The following DHX29 variants were observed in gnomAD, a reference collection of about 807,000 sequenced individuals.
The protein encoded by DHX29 is DExH-box helicase 29.
In DHX29, 79 loss-of-function variants were observed where a neutral mutation model predicts 167.9. The observed-to-expected ratio is 0.47, with a 90% confidence interval of 0.39 to 0.57. The LOEUF (loss-of-function observed/expected upper bound fraction) is 0.57, where lower values mean the gene tolerates loss of function less well. DHX29 is among the 20% of genes least tolerant of loss of function. The probability of loss-of-function intolerance (pLI) is 0.00; values close to 1 mark genes in which losing one functional copy is unlikely to be tolerated. For synonymous variants in DHX29, 530 were observed against 546.0 expected (o/e 0.97, Z 0.41); for missense variants, 1,347 against 1,593.4 (o/e 0.85, Z 2.63).
At chr5:55,261,637 A>G in intron 24 of DHX29, 138 bp from the exon 25 acceptor site, 6 of 640,656 alleles carry the variant, frequency 9.4e-6, no homozygotes, top group Non-Finnish European at 1.6e-5. Flanking sequence ...CTACATTTTC[A>G]TTTTCTTATG....
intron 1 of DHX29, 25 bp from the exon 2 acceptor site, chr5:55,298,689 A>G (rs1486985468): frequency 1.8e-6 from 2 of 1,119,704 alleles, no homozygotes. Flanking sequence ...AGACAAGGCA[A>G]TTTAATGATT....
intron 20 of DHX29, among the ~76,000 whole-genome samples, chr5:55,269,909 G>A (rs1746768662): frequency 1.3e-5 from 2 of 152,116 alleles, no homozygotes; most frequent in South Asian, 2.1e-4. Context: ...ATTTTGATAG[G>A]AGTCAAAAAT....
intron 12 of DHX29, among the ~76,000 whole-genome samples, chr5:55,281,017 C>T (rs1053393884): frequency 5.3e-5 from 8 of 151,464 alleles, no homozygotes; most frequent in African/African-American, 1.9e-4. Context: ...GATTTTTATA[C>T]ATGTATATAT....
At position 55,283,230 on chromosome 5, in the gene DHX29, C is replaced by T. The variant is rs1478599330; in HGVS notation, c.1938G>A (p.Leu646=). Residue 646 remains leucine (L), a synonymous_variant, in exon 11 of 27, where the codon TTG becomes TTA. Transcript: ENST00000251636. ...VSLANRVCDE[L]GCENGPGGRN... Reference sequence around the variant, plus strand: ...TTCCTCCAGGTCCATTTTCACAGCCCAATTCATCACATACTCTGTTGGCTA... The same window carrying T: ...TTCCTCCAGGTCCATTTTCACAGCCTAATTCATCACATACTCTGTTGGCTA... 2 of 1,598,932 alleles carry T rather than the reference C, an allele frequency of 1.3e-6. No homozygotes were observed. The highest frequency in any genetic ancestry group is 2.2e-5 in the East Asian group (1 of 44,650).
intron 5 of DHX29, chr5:55,294,882 T>C (rs1360417982): frequency 6.5e-6 from 1 of 153,808 alleles, no homozygotes; most frequent in Non-Finnish European, 1.4e-5. Context: ...CAATGGGACA[T>C]TAGCAAGAAT....
Position 55,290,212 on chromosome 5 carries a change from G to GTT in DHX29, c.907+4_907+5dup, listed in dbSNP as rs1312026125. Reference sequence around the variant, plus strand: ...TTTATACATCTAAGTATTTGAAAGTGTTTACCTCTTTGAAATTTCCTTATT... The same window carrying GTT: ...TTTATACATCTAAGTATTTGAAAGTGTTTTTACCTCTTTGAAATTTCCTTATT... On this transcript the variant is annotated splice_donor_region_variant and intron_variant, in intron 7 of 26. Transcript: ENST00000251636. 3 of 1,605,848 alleles carry GTT rather than the reference G, an allele frequency of 1.9e-6. No individual in the cohort carries two copies. The highest frequency in any genetic ancestry group is 2.5e-6 in the Non-Finnish European group (3 of 1,178,392).
At chr5:55,276,236 C>T in intron 14 of DHX29, 30 bp downstream of exon 14, 1 of 1,528,808 alleles carries the variant, frequency 6.5e-7, no homozygotes, top group East Asian at 2.3e-5. Context: ...ATATCATTAT[C>T]TGATATCTTT....
chr5:55,303,949 C>G lies in DHX29; in HGVS notation c.187+3438G>C, dbSNP rs561814270. Among the ~76,000 whole-genome samples, 6 of 152,310 alleles carry G rather than the reference C, an allele frequency of 3.9e-5. No individual in the cohort carries two copies. In the South Asian group the frequency reaches 1.2e-3, roughly 32 times the overall value. ...ATCCATTCCCAATTCTTATTCCCCT[C>G]TTAAAATTTTAAGCCTCAACTAGGT... On this transcript the variant is annotated intron_variant, in intron 1 of 26. Coordinates refer to ENST00000251636, the MANE Select transcript of DHX29 (RefSeq NM_019030.4).
chr5:55,283,120 G>A (rs1377896998), intron 11 of DHX29, 83 bp downstream of exon 11: 2 of 1,450,628 alleles, frequency 1.4e-6, no homozygotes, highest in Non-Finnish European at 1.8e-6. Context: ...ACTCACATAT[G>A]GTACACATTC....
Position 55,277,249 on chromosome 5 carries a change from G to C in DHX29, c.2143C>G (p.Leu715Val), listed in dbSNP as rs554971660. 13 of 1,609,136 alleles carry C rather than the reference G, an allele frequency of 8.1e-6. No homozygotes were observed. The highest frequency in any genetic ancestry group is 1.3e-5 in the African/African-American group (1 of 74,940). ...HERSVQSDFL[L>V]IILKEILQKR... ...TGTAAAATTTCCTTCAAGATAATTA[G>C]TAGGAAGTCTGACTGGACACTTCTT... The change falls in exon 13 of 27, where the codon CTA (leucine) becomes GTA (valine). Residue 715 changes from leucine to valine, a missense_variant. Physicochemically the swap from Leu to Val is conservative, Grantham distance 32 (BLOSUM62 1). Coordinates refer to ENST00000251636, the MANE Select transcript of DHX29 (RefSeq NM_019030.4).
intron 13 of DHX29, 115 bp downstream of exon 13, chr5:55,276,991 G>A: frequency 4.5e-6 from 3 of 663,508 alleles, no homozygotes; most frequent in Non-Finnish European, 5.1e-6. Context: ...CTCCTCTGCT[G>A]ACTCACTGTA....
intron 12 of DHX29, 97 bp downstream of exon 12, chr5:55,281,275 A>G: frequency 1.9e-6 from 2 of 1,031,770 alleles, no homozygotes; most frequent in Non-Finnish European, 1.3e-6. Context: ...ATAATAATTT[A>G]GTAAGCATAA....
chr5:55,297,693 C>T (rs955925732), intron 2 of DHX29, among the ~76,000 whole-genome samples: 1 of 152,138 alleles, frequency 6.6e-6, no homozygotes, highest in Non-Finnish European at 1.5e-5. Context: ...CACAAAGATT[C>T]CTAAGTTCTA....
Position 55,283,671 on chromosome 5 carries a change from C to A in DHX29, c.1497G>T (p.Leu499=). The change falls in exon 11 of 27, where the codon CTG becomes CTT. Residue 499 remains leucine, a synonymous_variant. Coordinates refer to ENST00000251636, the MANE Select transcript of DHX29 (RefSeq NM_019030.4). ...DLFIAKLLNK[L]KQQQQQQQQH... ...GTTGTTGCTGCTGTTGCTGCTGTTTCAGTTTATTCAGAAGTTTGGCAATAA... is the reference window on the plus strand; with the variant it reads ...GTTGTTGCTGCTGTTGCTGCTGTTTAAGTTTATTCAGAAGTTTGGCAATAA... The A allele has an allele frequency of 1.2e-6, 2 of 1,614,112 alleles. No individual in the cohort carries two copies. The highest frequency in any genetic ancestry group is 1.7e-6 in the Non-Finnish European group (2 of 1,180,008).
rs140606994 is a variant in DHX29 at position 55,296,671 on chromosome 5, T to C, written c.376-322A>G. Among the ~76,000 whole-genome samples the C allele has an allele frequency of 9.2e-4, 140 of 152,298 alleles. 1 individual carries two copies. In the East Asian group the frequency reaches 0.025, roughly 27 times the overall value. On this transcript the variant is annotated intron_variant, in intron 3 of 26. Transcript: ENST00000251636. The stretch of plus-strand genomic sequence containing the variant: ...TTATAACATAAGCACCTTCCCAAGT[T>C]AGTAGAAACTCTGCACCATCACTTT...
At chr5:55,305,444 G>T (rs544437950) in intron 1 of DHX29, among the ~76,000 whole-genome samples, 3 of 152,318 alleles carry the variant, frequency 2.0e-5, no homozygotes, top group East Asian at 3.9e-4. Flanking sequence ...TTATTAAAAG[G>T]TTAGAAAGAG....
chr5:55,283,102 C>G, intron 11 of DHX29, 101 bp downstream of exon 11: 2 of 1,300,712 alleles, frequency 1.5e-6, no homozygotes, highest in Admixed American at 5.2e-5. Flanking sequence ...CAACCAATAG[C>G]AGTGAAAACT....
rs776336635 is a variant in DHX29, at chr5:55,259,833, T to C, written c.4057+15A>G. The C allele has an allele frequency of 8.2e-6, 12 of 1,454,896 alleles. No homozygotes were observed. The South Asian group carries it at 1.0e-4, about 12-fold the overall frequency. The allele number at this position is 1,454,896 out of a possible 1,614,324, so 90.1% of individuals were successfully genotyped here. ...ATATGTGTATATGGTCTTTCACTTA[T>C]AAGCAAACACTTACTTTCAAGGGAC... On this transcript the variant is annotated intron_variant, in intron 26 of 26. Coordinates refer to ENST00000251636, the MANE Select transcript of DHX29 (RefSeq NM_019030.4).
intron 26 of DHX29, 86 bp from the exon 27 acceptor site, chr5:55,256,626 G>T: frequency 8.0e-7 from 1 of 1,256,672 alleles, no homozygotes; most frequent in Non-Finnish European, 1.1e-6. Flanking sequence ...AGAGGTATAT[G>T]TCACTAAAAA....
Sources: allele counts gnomAD v4.1 joint callset (sites outside exome capture counted in the v4.1 genomes callset), GRCh38; gene constraint gnomAD v4.1.1; transcripts MANE v1.5; gene names NCBI Gene and HGNC (gene_info 2026-07-23, HGNC 2026-07-21).